The following PYHIN1 variants were observed in gnomAD, a reference collection of about 807,000 sequenced individuals.
The protein encoded by PYHIN1 is pyrin and HIN domain-containing protein 1.
In PYHIN1, 32 loss-of-function variants were observed where a neutral mutation model predicts 43.7. The ratio of observed to expected loss-of-function variants is 0.73; its 90% CI spans 0.55 to 0.98. The LOEUF is 0.98. PYHIN1 is among the 50% of genes least tolerant of loss of function. The pLI is 0.00. For missense variants in PYHIN1, 588 were observed against 589.5 expected (o/e 1.00, Z 0.03); for synonymous variants, 205 against 203.1 (o/e 1.01, Z -0.08).
intron 7 of PYHIN1, 39 bp downstream of exon 7, chr1:158,945,081 T>C (rs748444198): frequency 1.3e-6 from 2 of 1,562,648 alleles, no homozygotes; most frequent in East Asian, 2.3e-5. Flanking sequence ...ATCTCCCAAA[T>C]ATAAATTACA....
At chr1:158,988,653 T>C in the PYHIN1 span, among the ~76,000 whole-genome samples, 3 of 152,204 alleles carry the variant, frequency 2.0e-5, no homozygotes, top group Non-Finnish European at 4.4e-5. Flanking sequence ...AAGTAGACTC[T>C]GTAAGTGATG....
chr1:158,975,958 C>T (rs1280348355), intron 8 of PYHIN1, among the ~76,000 whole-genome samples: 2 of 152,042 alleles, frequency 1.3e-5, no homozygotes, highest in Non-Finnish European at 2.9e-5. Context: ...AATTGTTTCA[C>T]ATATTAGCTC....
intron 7 of PYHIN1, among the ~76,000 whole-genome samples, chr1:158,949,126 G>T (rs1044920063): frequency 2.6e-5 from 4 of 152,164 alleles, no homozygotes; most frequent in African/African-American, 9.7e-5. Flanking sequence ...GTGTCATGGG[G>T]TGGCAAGGAC....
At chr1:158,942,548 A>G in intron 5 of PYHIN1, 149 bp downstream of exon 5, 1 of 620,470 alleles carries the variant, frequency 1.6e-6, no homozygotes, top group South Asian at 2.4e-5. Context: ...GTCTTCTTCG[A>G]GGTTAAGACC....
intron 7 of PYHIN1, among the ~76,000 whole-genome samples, chr1:158,968,161 T>G (rs1468974653): frequency 6.6e-6 from 1 of 151,338 alleles, no homozygotes; most frequent in Non-Finnish European, 1.5e-5. Context: ...TCAAACTATC[T>G]ACAGAATGAG....
At chr1:158,970,014 C>T (rs988173908) in intron 7 of PYHIN1, among the ~76,000 whole-genome samples, 2 of 151,926 alleles carry the variant, frequency 1.3e-5, no homozygotes, top group African/African-American at 4.8e-5. Context: ...CCCATTTACT[C>T]ATCAAGGGTT....
the PYHIN1 span, among the ~76,000 whole-genome samples, chr1:158,987,689 T>A: frequency 2.5e-3 from 377 of 152,290 alleles, 1 homozygote; most frequent in African/African-American, 8.5e-3. Flanking sequence ...AGAGTTTTGA[T>A]CCATTTTGAA....
intron 7 of PYHIN1, among the ~76,000 whole-genome samples, chr1:158,961,533 A>G (rs138630125): frequency 1.9e-3 from 294 of 152,210 alleles, no homozygotes; most frequent in Middle Eastern, 0.01. Flanking sequence ...ATCCACCGAG[A>G]AAACAACTTT....
intron 8 of PYHIN1, among the ~76,000 whole-genome samples, chr1:158,976,160 TTGTCACATATATTCATG>T (rs1571793107): frequency 1.3e-5 from 2 of 152,068 alleles, no homozygotes; most frequent in Non-Finnish European, 2.9e-5. Context: ...TTTATGCTGT[TTGTCACATATATTCATG>T]TGGGATTCTT....
intron 6 of PYHIN1, among the ~76,000 whole-genome samples, chr1:158,944,621 A>G (rs1285787071): frequency 6.6e-6 from 1 of 152,238 alleles, no homozygotes; most frequent in Non-Finnish European, 1.5e-5. Flanking sequence ...GTCTTATGCC[A>G]TAAAGACAAA....
intron 7 of PYHIN1, among the ~76,000 whole-genome samples, chr1:158,953,290 T>C (rs1235766299): frequency 1.4e-5 from 2 of 143,152 alleles, no homozygotes; most frequent in African/African-American, 5.1e-5. Context: ...ACTCCACCTC[T>C]GGGGGCAGGG....
At chr1:158,953,132 A>G (rs1571751046) in intron 7 of PYHIN1, among the ~76,000 whole-genome samples, 2 of 152,244 alleles carry the variant, frequency 1.3e-5, no homozygotes, top group South Asian at 4.1e-4. Flanking sequence ...TTGCTAGCAC[A>G]GCAGTCTGAG....
downstream of PYHIN1, among the ~76,000 whole-genome samples, chr1:158,979,205 G>A (rs1201396220): frequency 6.6e-6 from 1 of 152,176 alleles, no homozygotes; most frequent in Non-Finnish European, 1.5e-5. Context: ...TTACAATACA[G>A]TATTAGGAAC....
chr1:158,949,949 A>G (rs2101676739), intron 7 of PYHIN1, among the ~76,000 whole-genome samples: 1 of 152,326 alleles, frequency 6.6e-6, no homozygotes, highest in East Asian at 1.9e-4. Context: ...GGGCAGGTAC[A>G]CATTAAGGGT....
chr1:158,975,498 G>A (rs1013968975), intron 8 of PYHIN1, among the ~76,000 whole-genome samples: 1 of 151,978 alleles, frequency 6.6e-6, no homozygotes, highest in Non-Finnish European at 1.5e-5. Flanking sequence ...TTCATTTCTG[G>A]ATCAGGCTGA....
chr1:158,984,636 T>C, the PYHIN1 span, among the ~76,000 whole-genome samples: 1 of 152,142 alleles, frequency 6.6e-6, no homozygotes, highest in African/African-American at 2.4e-5. Flanking sequence ...TGTTGTTGAG[T>C]GGAATGTTCC....
intron 2 of PYHIN1, among the ~76,000 whole-genome samples, chr1:158,937,944 C>CCA (rs558345632): frequency 8.8e-6 from 1 of 114,212 alleles, no homozygotes; most frequent in African/African-American, 3.6e-5. Flanking sequence ...GACTCCGTCT[C>CCA]AAAAAAAAAA....
chr1:158,958,796 A>G (rs1001161911), intron 7 of PYHIN1, among the ~76,000 whole-genome samples: 2 of 150,362 alleles, frequency 1.3e-5, no homozygotes, highest in Non-Finnish European at 3.0e-5. Context: ...AAAAAAAAAA[A>G]AAAGATTTCT....
chr1:158,938,330 T>C, intron 2 of PYHIN1, 67 bp from the exon 3 acceptor site: 1 of 1,551,112 alleles, frequency 6.4e-7, no homozygotes, highest in Non-Finnish European at 8.9e-7. Flanking sequence ...CAAATAGTAT[T>C]GAAACTGCTT....
Sources: allele counts gnomAD v4.1 joint callset (sites outside exome capture counted in the v4.1 genomes callset), GRCh38; gene constraint gnomAD v4.1.1; transcripts MANE v1.5; gene names NCBI Gene and HGNC (gene_info 2026-07-23, HGNC 2026-07-21).